Variants in CUX2 observed in about 807,000 individuals in gnomAD.
CUX2 encodes the protein cut like homeobox 2, also known as homeobox protein cut-like 2.
Under a neutral mutation model 144.8 loss-of-function variants are expected in CUX2, and 40 were observed. The observed-to-expected ratio is 0.28, with a 90% CI of 0.21 to 0.36. CUX2 has a LOEUF of 0.36. Among genes scored for constraint, CUX2 ranks in the 10% least tolerant of loss-of-function variants. CUX2 has a pLI of 1.00. For synonymous variants in CUX2, 827 were observed against 875.6 expected (o/e 0.94, Z 0.98); for missense variants, 1,615 against 1,994.0 (o/e 0.81, Z 3.62).
intron 1 of CUX2, among the ~76,000 whole-genome samples, chr12:111,181,780 C>G (rs1384175884): frequency 6.6e-6 from 1 of 152,220 alleles, no homozygotes; most frequent in African/African-American, 2.4e-5. Flanking sequence ...TTTGCTGAGG[C>G]TGTCACTGTG....
At chr12:111,070,972 A>G (rs535163616) in intron 1 of CUX2, among the ~76,000 whole-genome samples, 3 of 151,440 alleles carry the variant, frequency 2.0e-5, no homozygotes, top group South Asian at 2.1e-4. Context: ...ATAATATTCC[A>G]TTGTCTGCAG....
chr12:111,220,055 A>G (rs1029123129), intron 3 of CUX2, among the ~76,000 whole-genome samples: 8 of 152,028 alleles, frequency 5.3e-5, no homozygotes, highest in African/African-American at 1.9e-4. Flanking sequence ...GAGGCAGGAG[A>G]ATCACTTGAA....
At chr12:111,181,663 A>C (rs1366347636) in intron 1 of CUX2, among the ~76,000 whole-genome samples, 3 of 152,298 alleles carry the variant, frequency 2.0e-5, no homozygotes, top group South Asian at 4.1e-4. Context: ...CAGATCTATA[A>C]ATTGATGGAA....
At chr12:111,202,373 G>A (rs907009440) in intron 1 of CUX2, among the ~76,000 whole-genome samples, 6 of 152,154 alleles carry the variant, frequency 3.9e-5, no homozygotes, top group African/African-American at 1.4e-4. Context: ...GGAAGTGATC[G>A]GATGTGGCTC....
At chr12:111,046,883 G>A (rs1049741341) in intron 1 of CUX2, among the ~76,000 whole-genome samples, 1 of 152,154 alleles carries the variant, frequency 6.6e-6, no homozygotes, top group African/African-American at 2.4e-5. Context: ...TCTTGAATTC[G>A]TGACCTCATG....
At chr12:111,185,289 A>G (rs7977877) in intron 1 of CUX2, among the ~76,000 whole-genome samples, 1 of 152,210 alleles carries the variant, frequency 6.6e-6, no homozygotes, top group African/African-American at 2.4e-5. Context: ...TCAAAATGGT[A>G]CTGTTTTTAA....
intron 19 of CUX2, 31 bp from the exon 20 acceptor site, chr12:111,338,255 G>A: frequency 1.3e-6 from 2 of 1,571,906 alleles, no homozygotes; most frequent in Non-Finnish European, 8.6e-7. Context: ...CCAGCCTCGG[G>A]TAACAGATTG....
chr12:111,325,007 C>T (rs931096798), intron 18 of CUX2, among the ~76,000 whole-genome samples: 12 of 150,986 alleles, frequency 7.9e-5, no homozygotes, highest in Non-Finnish European at 1.0e-4. Flanking sequence ...CCATGCTGGC[C>T]GGGTGGGGTG....
At chr12:111,172,102 T>C (rs996097068) in intron 1 of CUX2, among the ~76,000 whole-genome samples, 6 of 151,736 alleles carry the variant, frequency 4.0e-5, no homozygotes, top group African/African-American at 1.5e-4. Flanking sequence ...TGTCTCTGCG[T>C]GTGCATATGC....
chr12:111,270,666 A>G (rs1252626564), intron 4 of CUX2: 9 of 151,940 alleles, frequency 5.9e-5, no homozygotes, highest in Non-Finnish European at 1.2e-4. Flanking sequence ...AAAACAAGGA[A>G]CGAGGAAATG....
chr12:111,073,525 T>C (rs1871349081), intron 1 of CUX2, among the ~76,000 whole-genome samples: 1 of 152,070 alleles, frequency 6.6e-6, no homozygotes, highest in South Asian at 2.1e-4. Flanking sequence ...AATAAGGGTT[T>C]CTCAGTCTTG....
intron 10 of CUX2, among the ~76,000 whole-genome samples, chr12:111,305,849 G>A (rs902480266): frequency 3.3e-5 from 5 of 152,170 alleles, no homozygotes; most frequent in African/African-American, 1.2e-4. Context: ...GTGATGATGT[G>A]TCCTTGTGAG....
At chr12:111,141,073 C>T (rs945578998) in intron 1 of CUX2, among the ~76,000 whole-genome samples, 1 of 152,130 alleles carries the variant, frequency 6.6e-6, no homozygotes, top group Admixed American at 6.5e-5. Flanking sequence ...ATGCCCGCTG[C>T]CTTAGAAGAG....
chr12:111,179,102 G>A (rs1383009759), intron 1 of CUX2, among the ~76,000 whole-genome samples: 1 of 152,134 alleles, frequency 6.6e-6, no homozygotes, highest in Non-Finnish European at 1.5e-5. Context: ...GGGCAATAGT[G>A]GGAGCCCTAG....
chr12:111,204,948 C>T (rs1003181460), intron 1 of CUX2, among the ~76,000 whole-genome samples: 28 of 152,302 alleles, frequency 1.8e-4, no homozygotes, highest in Admixed American at 1.8e-3. Flanking sequence ...GCTGATAGAA[C>T]GCGGGGAAGC....
chr12:111,299,139 C>T (rs529572049), intron 9 of CUX2, among the ~76,000 whole-genome samples: 20 of 152,360 alleles, frequency 1.3e-4, no homozygotes, highest in Non-Finnish European at 2.6e-4. Flanking sequence ...CAGCCAGAGA[C>T]ATGGCCAGGA....
chr12:111,193,151 G>A (rs570120222), intron 1 of CUX2, among the ~76,000 whole-genome samples: 54 of 152,268 alleles, frequency 3.5e-4, no homozygotes, highest in Admixed American at 1.6e-3. Context: ...TCAGGGTGGC[G>A]GAAAATGGAT....
At chr12:111,232,901 C>T (rs1237837608) in intron 3 of CUX2, among the ~76,000 whole-genome samples, 1 of 152,188 alleles carries the variant, frequency 6.6e-6, no homozygotes, top group Non-Finnish European at 1.5e-5. Context: ...CTGACCCTTT[C>T]GCGGGAAGAC....
At chr12:111,259,057 GTGTGTGTGTGTGTGTT>G (rs1456580371) in intron 3 of CUX2, among the ~76,000 whole-genome samples, 1 of 151,106 alleles carries the variant, frequency 6.6e-6, no homozygotes, top group African/African-American at 2.4e-5. Context: ...GTGTGTGTGT[GTGTGTGTGTGTGTGTT>G]TGTGTGTGTG....
Sources: allele counts gnomAD v4.1 joint callset (sites outside exome capture counted in the v4.1 genomes callset), GRCh38; gene constraint gnomAD v4.1.1; transcripts MANE v1.5; gene names NCBI Gene and HGNC (gene_info 2026-07-23, HGNC 2026-07-21).